Variants in NHSL3 observed in about 807,000 individuals in gnomAD.
NHSL3 encodes the protein NHS-like protein 3.
chr1:32,760,995 C>T, the NHSL3 span, among the ~76,000 whole-genome samples: 1,361 of 152,212 alleles, frequency 8.9e-3, 19 homozygotes, highest in African/African-American at 0.031. Context: ...TTGAGGAGCC[C>T]GCAGGTGTGC....
chr1:32,771,359 A>T, the NHSL3 span: 16 of 1,590,998 alleles, frequency 1.0e-5, no homozygotes, highest in Non-Finnish European at 1.2e-5. Flanking sequence ...TCCAAAGACC[A>T]GTCACCCCCA....
chr1:32,744,539 G>C, the NHSL3 span, among the ~76,000 whole-genome samples: 229 of 152,302 alleles, frequency 1.5e-3, 1 homozygote, highest in African/African-American at 5.1e-3. Context: ...AGAGCAGCAG[G>C]TAAGGCTTGA....
At chr1:32,772,153 C>G in the NHSL3 span, 2 of 1,613,392 alleles carry the variant, frequency 1.2e-6, no homozygotes, top group Non-Finnish European at 1.7e-6. Context: ...CCCTGAGACC[C>G]AGGCTGACCT....
the NHSL3 span, chr1:32,771,285 C>G: frequency 6.2e-7 from 1 of 1,607,906 alleles, no homozygotes; most frequent in African/African-American, 1.3e-5. Flanking sequence ...CCACTGACGC[C>G]AGTCCTCAGT....
the NHSL3 span, among the ~76,000 whole-genome samples, chr1:32,744,885 G>A: frequency 2.6e-5 from 4 of 152,036 alleles, no homozygotes; most frequent in African/African-American, 9.7e-5. Context: ...TAGTATTTTG[G>A]GAGACCGAGG....
At chr1:32,747,472 C>T in the NHSL3 span, among the ~76,000 whole-genome samples, 4 of 151,998 alleles carry the variant, frequency 2.6e-5, no homozygotes, top group East Asian at 1.9e-4. Flanking sequence ...CGCGACTGGC[C>T]GACAAAGATG....
chr1:32,770,872 G>C, the NHSL3 span: 1 of 1,608,620 alleles, frequency 6.2e-7, no homozygotes, highest in Admixed American at 1.7e-5. The surrounding 1 kb of genome is among the most constrained non-coding windows in gnomAD (Gnocchi z 8.3). Flanking sequence ...CTTGTCTCCG[G>C]GTGGTTCCCG....
the NHSL3 span, chr1:32,770,445 C>T: frequency 1.7e-3 from 2,665 of 1,607,076 alleles, 41 homozygotes; most frequent in African/African-American, 0.031. The surrounding 1 kb of genome is among the most constrained non-coding windows in gnomAD (Gnocchi z 8.3). Context: ...CTCAATCCTC[C>T]GACACCATTG....
At chr1:32,772,634 T>A in the NHSL3 span, among the ~76,000 whole-genome samples, 10 of 149,258 alleles carry the variant, frequency 6.7e-5, no homozygotes, top group Non-Finnish European at 1.0e-4. Context: ...TGTGTTTGAA[T>A]TCCAACTTTG....
chr1:32,747,182 T>G, the NHSL3 span, among the ~76,000 whole-genome samples: 2 of 151,078 alleles, frequency 1.3e-5, no homozygotes, highest in Admixed American at 6.6e-5. Context: ...GATGGTTTTT[T>G]TTTTGTTTTG....
At chr1:32,770,797 G>C in the NHSL3 span, 6 of 1,592,714 alleles carry the variant, frequency 3.8e-6, no homozygotes, top group Non-Finnish European at 4.3e-6. The surrounding 1 kb of genome is among the most constrained non-coding windows in gnomAD (Gnocchi z 8.3). Context: ...ACCCACCACT[G>C]GTGGCTCAGA....
At chr1:32,760,082 G>C in the NHSL3 span, among the ~76,000 whole-genome samples, 16,914 of 152,210 alleles carry the variant, frequency 0.11, 1,060 homozygotes, top group African/African-American at 0.14. Flanking sequence ...GGGGGCCTTC[G>C]TTTGTCCACC....
chr1:32,769,952 C>T, the NHSL3 span: 8 of 1,607,230 alleles, frequency 5.0e-6, no homozygotes, highest in Non-Finnish European at 5.9e-6. Flanking sequence ...CGCATCCCCA[C>T]AGTGGACGGC....
chr1:32,765,936 TG>T, the NHSL3 span: 5 of 1,057,480 alleles, frequency 4.7e-6, no homozygotes, highest in South Asian at 1.4e-5. Flanking sequence ...GGGGTGGGGC[TG>T]GGGGCTGATA....
the NHSL3 span, among the ~76,000 whole-genome samples, chr1:32,752,084 G>A: frequency 3.9e-5 from 6 of 152,116 alleles, no homozygotes; most frequent in African/African-American, 1.4e-4. Flanking sequence ...TGATCTCCGA[G>A]GTCTTTTTCA....
At chr1:32,769,550 T>G in the NHSL3 span, 1 of 780,042 alleles carries the variant, frequency 1.3e-6, no homozygotes, top group Non-Finnish European at 2.2e-6. Context: ...AACCTAGCCT[T>G]GCCCATACCT....
At chr1:32,750,821 T>C in the NHSL3 span, among the ~76,000 whole-genome samples, 1 of 150,368 alleles carries the variant, frequency 6.7e-6, no homozygotes. Flanking sequence ...TATTTATTTA[T>C]TTATTTTTTT....
chr1:32,750,520 T>A, the NHSL3 span, among the ~76,000 whole-genome samples: 1 of 152,172 alleles, frequency 6.6e-6, no homozygotes, highest in African/African-American at 2.4e-5. Flanking sequence ...TCATTTTTAT[T>A]TTTTGAGACA....
chr1:32,745,809 G>C, the NHSL3 span, among the ~76,000 whole-genome samples: 1 of 152,140 alleles, frequency 6.6e-6, no homozygotes, highest in Non-Finnish European at 1.5e-5. Context: ...CTGAGGACTT[G>C]AGCATTAGTT....
Sources: allele counts gnomAD v4.1 joint callset (sites outside exome capture counted in the v4.1 genomes callset), GRCh38; gene constraint gnomAD v4.1.1; non-coding constraint Gnocchi (gnomAD v3.1); transcripts MANE v1.5; gene names NCBI Gene and HGNC (gene_info 2026-07-23, HGNC 2026-07-21).